The following TGFBR3 variants were observed in gnomAD, a reference collection of about 807,000 sequenced individuals.
TGFBR3 encodes the protein transforming growth factor beta receptor 3.
A neutral mutation model predicts 87.9 loss-of-function variants in TGFBR3; 46 were observed. The ratio of observed to expected loss-of-function variants is 0.52; its 90% CI spans 0.41 to 0.67. The LOEUF (loss-of-function observed/expected upper bound fraction) is 0.67. TGFBR3 is among the 30% of genes least tolerant of loss of function. The pLI is 0.00. For synonymous variants in TGFBR3, 381 were observed against 391.6 expected, an observed-to-expected ratio of 0.97 and a Z score of 0.32; for missense variants, 866 against 1,041.9, an observed-to-expected ratio of 0.83 and a Z score of 2.32.
At chr1:91,827,378 T>C (rs1676684571) in intron 2 of TGFBR3, among the ~76,000 whole-genome samples, 1 of 152,180 alleles carries the variant, frequency 6.6e-6, no homozygotes, top group Non-Finnish European at 1.5e-5. Context: ...GTAACTGGGA[T>C]CAAGTCCTTG....
intron 1 of TGFBR3, among the ~76,000 whole-genome samples, chr1:91,875,437 G>A (rs188130081): frequency 2.8e-4 from 43 of 152,130 alleles, no homozygotes; most frequent in African/African-American, 9.2e-4. Context: ...GGAAATATGG[G>A]TGTGAAAAAA....
chr1:91,853,209 A>G (rs1677807324), intron 2 of TGFBR3, among the ~76,000 whole-genome samples: 1 of 150,260 alleles, frequency 6.7e-6, no homozygotes, highest in Non-Finnish European at 1.5e-5. Flanking sequence ...TAAAAACAAT[A>G]ATAATCACAG....
intron 7 of TGFBR3, among the ~76,000 whole-genome samples, chr1:91,727,439 G>A (rs916892360): frequency 6.6e-6 from 1 of 152,162 alleles, no homozygotes; most frequent in Non-Finnish European, 1.5e-5. Flanking sequence ...AGGTCACAGT[G>A]GGATTACCTG....
At chr1:91,693,250 A>G (rs1171479098) in intron 16 of TGFBR3, among the ~76,000 whole-genome samples, 1 of 152,230 alleles carries the variant, frequency 6.6e-6, no homozygotes, top group Non-Finnish European at 1.5e-5. Flanking sequence ...AAGCTGTCTC[A>G]TAAGTCATGC....
At chr1:91,893,105 A>G (rs1275197647) in intron 2 of TGFBR3, among the ~76,000 whole-genome samples, 1 of 152,120 alleles carries the variant, frequency 6.6e-6, no homozygotes, top group Non-Finnish European at 1.5e-5. Flanking sequence ...TGTTATTATT[A>G]CCCTTTATTG....
At chr1:91,887,030 A>G (rs968673089), upstream of TGFBR3, among the ~76,000 whole-genome samples, 2 of 152,130 alleles carry the variant, frequency 1.3e-5, no homozygotes, top group Non-Finnish European at 2.9e-5. Flanking sequence ...CTTATTAAAA[A>G]GTATACTTAA....
At chr1:91,777,657 C>A (rs1041690009) in intron 3 of TGFBR3, among the ~76,000 whole-genome samples, 1 of 138,808 alleles carries the variant, frequency 7.2e-6, no homozygotes, top group Non-Finnish European at 1.5e-5. Context: ...TAGCACTTAA[C>A]GTGTTTATCT....
At chr1:91,761,634 G>T (rs1050809674) in intron 3 of TGFBR3, among the ~76,000 whole-genome samples, 4 of 151,996 alleles carry the variant, frequency 2.6e-5, no homozygotes, top group African/African-American at 9.7e-5. Flanking sequence ...CTGAAGGGAA[G>T]ATAAAGGACA....
intron 3 of TGFBR3, among the ~76,000 whole-genome samples, chr1:91,779,772 G>C (rs1344672687): frequency 6.6e-6 from 1 of 152,050 alleles, no homozygotes; most frequent in African/African-American, 2.4e-5. Flanking sequence ...TTCCCATACT[G>C]CTGTAACAAA....
chr1:91,807,185 G>A (rs1030769852), intron 2 of TGFBR3, among the ~76,000 whole-genome samples: 2 of 152,180 alleles, frequency 1.3e-5, no homozygotes, highest in African/African-American at 4.8e-5. Context: ...CTCCAAAGAG[G>A]GCGCTTCTAC....
chr1:91,836,583 G>A (rs1424294017), intron 2 of TGFBR3, among the ~76,000 whole-genome samples: 1 of 151,942 alleles, frequency 6.6e-6, no homozygotes, highest in Non-Finnish European at 1.5e-5. Flanking sequence ...CTCTTAGATT[G>A]GGTTCTATGA....
chr1:91,700,947 GCAT>G (rs567993289), intron 14 of TGFBR3, among the ~76,000 whole-genome samples: 31 of 152,236 alleles, frequency 2.0e-4, no homozygotes, highest in African/African-American at 7.5e-4. Flanking sequence ...GCTACAAGAT[GCAT>G]CATGTAAGAA....
At chr1:91,790,289 T>C (rs1188793590) in intron 3 of TGFBR3, among the ~76,000 whole-genome samples, 2 of 152,222 alleles carry the variant, frequency 1.3e-5, no homozygotes, top group East Asian at 1.9e-4. Flanking sequence ...ATATTCAGCA[T>C]AGTAACATGC....
At chr1:91,719,588 T>C in intron 9 of TGFBR3, 124 bp from the exon 10 acceptor site, 1 of 1,217,400 alleles carries the variant, frequency 8.2e-7, no homozygotes. Context: ...TCGTGCCCCT[T>C]CCCCAAGTAT....
chr1:91,702,347 C>T (rs530436331), intron 14 of TGFBR3, among the ~76,000 whole-genome samples: 1 of 152,218 alleles, frequency 6.6e-6, no homozygotes, highest in African/African-American at 2.4e-5. Flanking sequence ...TCAGAGTAGC[C>T]TTCCTAAATG....
At chr1:91,824,258 G>A (rs2101068437) in intron 2 of TGFBR3, among the ~76,000 whole-genome samples, 1 of 152,338 alleles carries the variant, frequency 6.6e-6, no homozygotes, top group Admixed American at 6.5e-5. Context: ...CAGACTGCCA[G>A]CTCTATAATT....
chr1:91,716,664 T>G lies in TGFBR3; in HGVS notation c.1611A>C (p.Pro537=). 6.2e-7 allele frequency: 1 copy of G among 1,614,160 alleles called. No individual in the cohort carries two copies. The highest frequency in any genetic ancestry group is 8.5e-7 in the Non-Finnish European group (1 of 1,180,026). The stretch of plus-strand genomic sequence containing the variant: ...CTGACTCCAGATCTTCATAACCATC[T>G]GGCCAACCACTACTGTCCCCAAGGG... ...VPALGDSSGW[P]DGYEDLESGD... Residue 537 remains proline (P), a synonymous_variant, in exon 11 of 17, where the codon CCA becomes CCC. Transcript: ENST00000212355.
chr1:91,901,436 T>C (rs980476109), intron 1 of TGFBR3, among the ~76,000 whole-genome samples: 3 of 152,216 alleles, frequency 2.0e-5, no homozygotes, highest in South Asian at 2.1e-4. Flanking sequence ...CTCTATGCAA[T>C]AGGCTGATTA....
intron 1 of TGFBR3, among the ~76,000 whole-genome samples, chr1:91,881,213 T>C (rs1189635531): frequency 6.6e-6 from 1 of 152,152 alleles, no homozygotes; most frequent in Non-Finnish European, 1.5e-5. Flanking sequence ...TTCACTTATA[T>C]ACTAAAGAAG....
Sources: allele counts gnomAD v4.1 joint callset (sites outside exome capture counted in the v4.1 genomes callset), GRCh38; gene constraint gnomAD v4.1.1; transcripts MANE v1.5; gene names NCBI Gene and HGNC (gene_info 2026-07-23, HGNC 2026-07-21).